CACNA2D3: variants seen among roughly 807,000 people sequenced by gnomAD.
CACNA2D3 encodes calcium voltage-gated channel auxiliary subunit alpha2delta 3.
CACNA2D3 carries 60 observed loss-of-function variants against 160.6 expected under a neutral mutation model. That is an observed-to-expected ratio of 0.37 (90% confidence interval 0.30 to 0.46). The LOEUF is 0.46. CACNA2D3 is among the 20% of genes least tolerant of loss of function. The pLI, the probability that CACNA2D3 is intolerant of heterozygous loss-of-function variation, is 1.00. For synonymous variants in CACNA2D3, 558 were observed against 492.9 expected (o/e 1.13, Z -1.75); for missense variants, 1,205 against 1,365.0 (o/e 0.88, Z 1.85).
At chr3:54,727,524 TAG>T (rs1209032838) in intron 11 of CACNA2D3, among the ~76,000 whole-genome samples, 3 of 152,136 alleles carry the variant, frequency 2.0e-5, no homozygotes, top group Non-Finnish European at 4.4e-5. Context: ...CTATCAATAA[TAG>T]ACTGGATAAA....
At chr3:54,236,815 A>G (rs887284753) in intron 2 of CACNA2D3, among the ~76,000 whole-genome samples, 2 of 152,216 alleles carry the variant, frequency 1.3e-5, no homozygotes, top group Admixed American at 6.5e-5. Flanking sequence ...ATTCTTGTAC[A>G]AGTAGTTTAC....
intron 35 of CACNA2D3, among the ~76,000 whole-genome samples, chr3:55,027,528 G>T (rs1472681653): frequency 6.6e-6 from 1 of 152,156 alleles, no homozygotes; most frequent in Non-Finnish European, 1.5e-5. Context: ...CTGTACCTCT[G>T]CTTTACATCT....
intron 15 of CACNA2D3, among the ~76,000 whole-genome samples, chr3:54,838,031 A>G (rs941679684): frequency 2.6e-5 from 4 of 152,154 alleles, no homozygotes; most frequent in Admixed American, 1.3e-4. Context: ...GCAAATCACA[A>G]TGGCTACATG....
At chr3:54,681,143 G>A (rs1170109389) in intron 11 of CACNA2D3, among the ~76,000 whole-genome samples, 1 of 151,624 alleles carries the variant, frequency 6.6e-6, no homozygotes, top group Non-Finnish European at 1.5e-5. Context: ...GAGAGACAGA[G>A]AGAGAAGAGA....
intron 14 of CACNA2D3, among the ~76,000 whole-genome samples, chr3:54,818,795 G>T (rs1331541372): frequency 6.6e-6 from 1 of 152,170 alleles, no homozygotes; most frequent in Admixed American, 6.5e-5. Context: ...GCTAGAAATT[G>T]TCTTTTTTCT....
Position 54,503,385 on chromosome 3 carries a change from C to T in CACNA2D3, c.382-107C>T, listed in dbSNP as rs544345110. The T allele has an allele frequency of 1.2e-4, 113 of 905,020 alleles. No homozygotes were observed. In the African/African-American group the frequency reaches 1.7e-3, roughly 13 times the overall value. 56.1% of individuals were successfully genotyped at this position (905,020 alleles called of 1,614,324 possible). ...ACATAAAAAGATTATGTGAGCAGAT[C>T]AGGGTCCACAGTGTAAGGGATGGCA... On this transcript the variant is annotated intron_variant, in intron 4 of 37. Coordinates refer to ENST00000474759, the MANE Select transcript of CACNA2D3 (RefSeq NM_018398.3).
At chr3:54,164,440 A>G (rs1404141877) in intron 2 of CACNA2D3, among the ~76,000 whole-genome samples, 1 of 152,102 alleles carries the variant, frequency 6.6e-6, no homozygotes, top group Non-Finnish European at 1.5e-5. Flanking sequence ...TGAGCTCCAC[A>G]TTCTCCTCCT....
intron 2 of CACNA2D3, among the ~76,000 whole-genome samples, chr3:54,191,377 C>G (rs1180169228): frequency 6.9e-6 from 1 of 144,898 alleles, no homozygotes; most frequent in Non-Finnish European, 1.5e-5. Context: ...TGTTCTAATG[C>G]CTTTTCTTTT....
chr3:54,246,550 G>A (rs1016802835), intron 2 of CACNA2D3, among the ~76,000 whole-genome samples: 14 of 149,588 alleles, frequency 9.4e-5, no homozygotes, highest in South Asian at 4.2e-4. Context: ...AAAATTAGCC[G>A]GGCGTGGTTG....
intron 3 of CACNA2D3, among the ~76,000 whole-genome samples, chr3:54,325,872 C>T (rs1391946868): frequency 6.6e-6 from 1 of 152,176 alleles, no homozygotes; most frequent in Non-Finnish European, 1.5e-5. Flanking sequence ...AATGTTGTTT[C>T]ACTTATTTTT....
intron 35 of CACNA2D3, among the ~76,000 whole-genome samples, chr3:55,021,615 ATGTGTGTGTG>A (rs1316787642): frequency 6.7e-4 from 74 of 111,250 alleles, no homozygotes; most frequent in African/African-American, 2.9e-3. Flanking sequence ...ATATATATAT[ATGTGTGTGTG>A]TATATATATA....
chr3:54,184,352 T>G (rs1700840477), intron 2 of CACNA2D3, among the ~76,000 whole-genome samples: 1 of 152,244 alleles, frequency 6.6e-6, no homozygotes, highest in African/African-American at 2.4e-5. Flanking sequence ...GTGTGTTCAC[T>G]TACTCTGTGC....
At chr3:54,257,086 T>C (rs1222720676) in intron 2 of CACNA2D3, among the ~76,000 whole-genome samples, 1 of 152,252 alleles carries the variant, frequency 6.6e-6, no homozygotes, top group African/African-American at 2.4e-5. Context: ...GAATATTAGC[T>C]GTTTCACTTG....
intron 11 of CACNA2D3, among the ~76,000 whole-genome samples, chr3:54,646,180 C>CCCCT (rs1699640019): frequency 3.3e-5 from 1 of 30,142 alleles, no homozygotes; most frequent in Non-Finnish European, 6.5e-5. Flanking sequence ...CCCTCCCTCC[C>CCCCT]TCCCTCCTTC....
At chr3:54,549,674 T>C (rs1702124231) in intron 5 of CACNA2D3, among the ~76,000 whole-genome samples, 1 of 152,202 alleles carries the variant, frequency 6.6e-6, no homozygotes, top group Non-Finnish European at 1.5e-5. Context: ...TTGTCCAGTC[T>C]GCGGCTTCTA....
chr3:54,433,942 C>T lies in CACNA2D3; in HGVS notation c.381+47168C>T, dbSNP rs1700024989. ...TTCGCATGCTCCTAACTAGCAGAAG[C>T]AAGCAGCATTGCTTCCATTCCCCCA... On this transcript the variant is annotated intron_variant, in intron 4 of 37. Transcript: ENST00000474759. Among the ~76,000 whole-genome samples, 4 of 152,368 alleles carry T rather than the reference C, an allele frequency of 2.6e-5. No homozygotes were observed. The South Asian group carries it at 8.3e-4, about 32-fold the overall frequency.
intron 6 of CACNA2D3, among the ~76,000 whole-genome samples, chr3:54,566,395 A>C (rs1296268153): frequency 6.6e-6 from 1 of 152,204 alleles, no homozygotes; most frequent in African/African-American, 2.4e-5. Context: ...AGGGCTGCAC[A>C]GTCATCCCTT....
intron 3 of CACNA2D3, among the ~76,000 whole-genome samples, chr3:54,350,973 TTTTTTTTTGTTTG>T (rs1231550589): frequency 0.033 from 1,532 of 46,650 alleles, 290 homozygotes; most frequent in African/African-American, 0.068. Flanking sequence ...AGTCTGTTTT[TTTTTTTTTGTTTG>T]TTTTTTTTTT....
At chr3:54,516,393 A>G (rs899625345) in intron 5 of CACNA2D3, among the ~76,000 whole-genome samples, 11 of 151,810 alleles carry the variant, frequency 7.2e-5, no homozygotes, top group Admixed American at 7.2e-4. Context: ...TACATTTCTG[A>G]TGTTTTTCTT....
Sources: gnomAD v4.1 joint callset for allele counts (sites outside exome capture counted in the v4.1 genomes callset) on GRCh38, gnomAD v4.1.1 for gene constraint, MANE v1.5 for transcripts, NCBI Gene and HGNC (gene_info 2026-07-23, HGNC 2026-07-21) for gene names.